Variants in IRAG1 observed in about 807,000 individuals in gnomAD.
IRAG1 encodes the protein inositol 1,4,5-triphosphate receptor associated 1.
In IRAG1, 62 loss-of-function variants were observed where a neutral mutation model predicts 106.2. The ratio of observed to expected loss-of-function variants is 0.58; its 90% CI spans 0.48 to 0.72. The LOEUF is 0.72. IRAG1 is among the 30% of genes least tolerant of loss of function. The pLI is 0.00. For missense variants in IRAG1, 1,064 were observed against 1,140.7 expected (o/e 0.93, Z 0.97); for synonymous variants, 462 against 443.9 (o/e 1.04, Z -0.51).
At position 10,601,161 on chromosome 11, in the gene IRAG1, A is replaced by G. The variant is rs1342288361; in HGVS notation, c.1876-102T>C. The G allele has an allele frequency of 4.7e-6, 7 of 1,484,116 alleles. No homozygotes were observed. The East Asian group carries it at 1.6e-4, about 34-fold the overall frequency. The allele number at this position is 1,484,116 out of a possible 1,614,324, so 91.9% of individuals were successfully genotyped here. A position where few individuals can be genotyped will look rare whatever the true frequency, so the allele number is the denominator to read the frequency against. On this transcript the variant is annotated intron_variant, in intron 14 of 20. Transcript: ENST00000423302. ...GGTCTGGGCTAGGAGAATCAAAAGG[A>G]TACAGGGACAAGACTCTGCCCTCTG... is the stretch of plus-strand genomic sequence containing the variant.
chr11:10,597,967 T>C (rs914570749), intron 15 of IRAG1, among the ~76,000 whole-genome samples: 4 of 152,252 alleles, frequency 2.6e-5, no homozygotes, highest in Non-Finnish European at 4.4e-5. Flanking sequence ...TGCTGTCACT[T>C]TGTGAGCACG....
At chr11:10,576,661 T>G (rs1444038854) in intron 20 of IRAG1, 86 bp from the exon 21 acceptor site, 2 of 1,535,496 alleles carry the variant, frequency 1.3e-6, no homozygotes, top group Middle Eastern at 1.7e-4. Flanking sequence ...TGCGGATAGC[T>G]TCCATGCTGT....
rs771020451 is a variant in IRAG1 at position 10,627,743 on chromosome 11, G to A, written c.723C>T (p.Asp241=). ...GCTCGCCAGGGTGAGGTGAAGAGAC[G>A]TCGGCCTCATCCCCCTTCTGCTGGA... ...GAPPQKGDEA[D]VSSPHPGEPN... The change falls in exon 8 of 21, where the codon GAC becomes GAT. Residue 241 remains aspartate, a synonymous_variant. Coordinates refer to ENST00000423302, the MANE Select transcript of IRAG1 (RefSeq NM_130385.4). 8.1e-6 allele frequency: 13 copies of A among 1,613,952 alleles called. No individual in the cohort carries two copies. Among genetic ancestry groups the A allele is most frequent in the South Asian group, 6.6e-5 (6 of 91,082 alleles).
At chr11:10,693,013 A>T (rs1862181408) in intron 1 of IRAG1, among the ~76,000 whole-genome samples, 3 of 152,186 alleles carry the variant, frequency 2.0e-5, no homozygotes, top group South Asian at 4.1e-4. Flanking sequence ...GGACAGAGAT[A>T]AAAACAGGGA....
chr11:10,612,245 G>T (rs1258619029), intron 10 of IRAG1, among the ~76,000 whole-genome samples: 2 of 152,178 alleles, frequency 1.3e-5, no homozygotes, highest in Admixed American at 1.3e-4. Flanking sequence ...CGGACAGCTT[G>T]TCTCTACAAT....
In IRAG1 at chr11:10,647,947, T is replaced by C. The variant is rs1858105557; in HGVS notation, c.225+4078A>G. The stretch of plus-strand genomic sequence containing the variant: ...GGATTTCACCCCACTATAGGTTGTA[T>C]GGAGGGCAGAACCGAGGGAGAGTCT... On this transcript the variant is annotated intron_variant, in intron 2 of 20. Coordinates refer to ENST00000423302, the MANE Select transcript of IRAG1 (RefSeq NM_130385.4). This position sits in a 1 kb window ranked among gnomAD's most constrained non-coding sequence, Gnocchi z 4.3. Among the ~76,000 whole-genome samples the C allele has an allele frequency of 6.6e-6, 1 of 152,174 alleles. No homozygotes were observed. Among genetic ancestry groups the C allele is most frequent in the African/African-American group, 2.4e-5 (1 of 41,432 alleles).
chr11:10,672,332 A>G (rs1860301238), intron 1 of IRAG1, among the ~76,000 whole-genome samples: 2 of 152,234 alleles, frequency 1.3e-5, no homozygotes, highest in South Asian at 4.1e-4. Context: ...AAGAAAAAGT[A>G]AATAAATTGG....
At chr11:10,675,394 C>T (rs894692064) in intron 1 of IRAG1, among the ~76,000 whole-genome samples, 3 of 152,164 alleles carry the variant, frequency 2.0e-5, no homozygotes, top group Admixed American at 2.0e-4. Flanking sequence ...CTAATTCATG[C>T]CTGCCACTTG....
In IRAG1 at chr11:10,619,729, T is replaced by G. The variant is rs1855693017; in HGVS notation, c.1447+4049A>C. 2.0e-5 allele frequency among the ~76,000 whole-genome samples: 3 copies of G among 152,144 alleles called. No individual in the cohort carries two copies. In the South Asian group the frequency reaches 6.2e-4, roughly 32 times the overall value. ...AGTGAAGTAGGTACTGTTATTAACC[T>G]CCTTTAAAAGATGAACAAACTGAAG... On this transcript the variant is annotated intron_variant, in intron 10 of 20. Transcript: ENST00000423302.
At chr11:10,587,252 G>C (rs977566119) in intron 18 of IRAG1, among the ~76,000 whole-genome samples, 4 of 152,204 alleles carry the variant, frequency 2.6e-5, no homozygotes, top group African/African-American at 2.4e-5. Flanking sequence ...TGGACAGGCA[G>C]GTATATTAGA....
At chr11:10,669,809 G>T (rs1860077386) in intron 1 of IRAG1, among the ~76,000 whole-genome samples, 1 of 152,186 alleles carries the variant, frequency 6.6e-6, no homozygotes, top group African/African-American at 2.4e-5. Context: ...TTATCTGGGG[G>T]CAAATCGGTG....
At chr11:10,623,998 T>C in intron 9 of IRAG1, 142 bp from the exon 10 acceptor site, 1 of 706,190 alleles carries the variant, frequency 1.4e-6, no homozygotes, top group Non-Finnish European at 2.5e-6. Flanking sequence ...AGGCATGGCA[T>C]GGTGAGGCCT....
chr11:10,625,163 G>A (rs144783303), intron 9 of IRAG1, among the ~76,000 whole-genome samples: 3 of 152,248 alleles, frequency 2.0e-5, no homozygotes, highest in East Asian at 1.9e-4. Context: ...GAGTGCTATC[G>A]GGCACCTTCT....
At chr11:10,674,673 C>T (rs1860508801) in intron 1 of IRAG1, among the ~76,000 whole-genome samples, 1 of 152,188 alleles carries the variant, frequency 6.6e-6, no homozygotes, top group African/African-American at 2.4e-5. Context: ...ACATGTTGCC[C>T]CTTCCCCTGT....
At chr11:10,601,912 G>A (rs983906272) in intron 14 of IRAG1, among the ~76,000 whole-genome samples, 27 of 152,320 alleles carry the variant, frequency 1.8e-4, no homozygotes, top group African/African-American at 6.3e-4. Flanking sequence ...AGCAGATGGC[G>A]TGAGTGACAG....
chr11:10,624,164 G>A (rs1367889882), intron 9 of IRAG1, among the ~76,000 whole-genome samples: 1 of 152,202 alleles, frequency 6.6e-6, no homozygotes, highest in Non-Finnish European at 1.5e-5. Context: ...GCCTCACTGT[G>A]GCTGAGGTTT....
intron 1 of IRAG1, among the ~76,000 whole-genome samples, chr11:10,668,901 T>G (rs1440255295): frequency 6.6e-6 from 1 of 152,222 alleles, no homozygotes; most frequent in African/African-American, 2.4e-5. Flanking sequence ...CAGACCTGGC[T>G]CTGAGGCTGC....
chr11:10,658,882 G>C (rs966067421), intron 1 of IRAG1, among the ~76,000 whole-genome samples: 3 of 149,678 alleles, frequency 2.0e-5, no homozygotes, highest in Middle Eastern at 6.6e-3. Context: ...TCCTAGGTCT[G>C]TGCTGTGGTT....
intron 1 of IRAG1, chr11:10,687,543 T>C: frequency 1.7e-6 from 1 of 604,614 alleles, no homozygotes; most frequent in Non-Finnish European, 2.3e-6. Context: ...ACCAGCTTCA[T>C]CAGTCATACG....
Sources: gnomAD v4.1 joint callset for allele counts (sites outside exome capture counted in the v4.1 genomes callset) on GRCh38, gnomAD v4.1.1 for gene constraint, Gnocchi (gnomAD v3.1) non-coding constraint, MANE v1.5 for transcripts, NCBI Gene and HGNC (gene_info 2026-07-23, HGNC 2026-07-21) for gene names.